Variants in STX17 observed in about 807,000 individuals in gnomAD.
The protein encoded by STX17 is syntaxin-17.
In STX17, 29 loss-of-function variants were observed where a neutral mutation model predicts 35.9. That is an observed-to-expected ratio of 0.81 (90% CI 0.60 to 1.10). The LOEUF (loss-of-function observed/expected upper bound fraction) is 1.10, where lower values mean the gene tolerates loss of function less well. Ranked by LOEUF, STX17 falls within the 50% of genes least tolerant of loss-of-function variation. The probability of loss-of-function intolerance (pLI) is 0.00; values close to 1 mark genes in which losing one functional copy is unlikely to be tolerated. For missense variants in STX17, 312 were observed against 352.3 expected, an observed-to-expected ratio of 0.89 and a Z score of 0.92; for synonymous variants, 92 against 118.3, an observed-to-expected ratio of 0.78 and a Z score of 1.44.
chr9:99,924,227 C>T (rs1326219925), intron 2 of STX17, among the ~76,000 whole-genome samples: 3 of 152,132 alleles, frequency 2.0e-5, no homozygotes, highest in Non-Finnish European at 2.9e-5. Flanking sequence ...AGAGTCCCGC[C>T]ATTGGCAGGT....
chr9:99,912,173 C>T (rs903191265), intron 1 of STX17, among the ~76,000 whole-genome samples: 1 of 151,750 alleles, frequency 6.6e-6, no homozygotes, highest in Non-Finnish European at 1.5e-5. Flanking sequence ...TTGCAGTAAG[C>T]TGAGCTCGTG....
chr9:99,964,597 A>T (rs1829881875), intron 6 of STX17, among the ~76,000 whole-genome samples: 2 of 152,184 alleles, frequency 1.3e-5, no homozygotes, highest in South Asian at 4.1e-4. Context: ...GCCTAAGCAG[A>T]TGAAAATAAA....
At chr9:99,952,399 T>C (rs1186198534) in intron 4 of STX17, among the ~76,000 whole-genome samples, 4 of 152,146 alleles carry the variant, frequency 2.6e-5, no homozygotes, top group African/African-American at 9.7e-5. Flanking sequence ...GGAGAGGATG[T>C]GGAGAAATAA....
At chr9:99,933,575 A>G (rs971619756) in intron 3 of STX17, among the ~76,000 whole-genome samples, 1 of 152,102 alleles carries the variant, frequency 6.6e-6, no homozygotes, top group African/African-American at 2.4e-5. Context: ...ATCTTCTTTA[A>G]TATTTGGGGA....
rs1320904731 is a variant in STX17 at position 99,971,092 on chromosome 9, A to C, written c.*2419A>C. ...GCTAGAAGAGTTTGATCAACTATAA[A>C]TGATAAAGTGTTTATAAGCATAGTC... On this transcript the variant is annotated 3_prime_UTR_variant, in exon 8 of 8. Transcript: ENST00000259400. Among the ~76,000 whole-genome samples, 1 of 152,196 alleles carries C rather than the reference A, an allele frequency of 6.6e-6. No individual in the cohort carries two copies. Among genetic ancestry groups the C allele is most frequent in the East Asian group, 1.9e-4 (1 of 5,198 alleles).
rs757628435 is a variant in STX17, at chr9:99,960,085, C to G, written c.532-20C>G. On this transcript the variant is annotated intron_variant, in intron 5 of 7. Coordinates refer to ENST00000259400, the MANE Select transcript of STX17 (RefSeq NM_017919.3). Reference sequence around the variant, plus strand: ...TAGTTGTGAGGCATAAAAGTAACTTCCTCTCCCTTTCTTTTAAAGGACTTA... The same window carrying G: ...TAGTTGTGAGGCATAAAAGTAACTTGCTCTCCCTTTCTTTTAAAGGACTTA... The G allele has an allele frequency of 4.3e-6, 7 of 1,613,880 alleles. No individual in the cohort carries two copies. In the South Asian group the frequency reaches 6.6e-5, roughly 15 times the overall value.
At chr9:99,908,019 AT>A (rs1828585077) in intron 1 of STX17, among the ~76,000 whole-genome samples, 1 of 152,154 alleles carries the variant, frequency 6.6e-6, no homozygotes, top group Non-Finnish European at 1.5e-5. Flanking sequence ...CTGGTCAGTT[AT>A]TTTGTAGAGT....
In STX17 at chr9:99,951,125, A is replaced by G; in HGVS notation, c.255A>G (p.Val85=). ...LCLKVRKDDL[V]LLKRMIDPVK... ...TGAAAGTCCGAAAGGATGACCTAGT[A>G]CTTCTGAAGAGAATGATAGATCCTG... Residue 85 remains valine (V), a synonymous_variant, in exon 4 of 8, where the codon GTA becomes GTG. Coordinates refer to ENST00000259400, the MANE Select transcript of STX17 (RefSeq NM_017919.3). 1.9e-6 allele frequency: 3 copies of G among 1,613,016 alleles called. No individual in the cohort carries two copies. The highest frequency in any genetic ancestry group is 2.5e-6 in the Non-Finnish European group (3 of 1,179,146).
chr9:99,938,827 T>TAA (rs1829292356), intron 3 of STX17, among the ~76,000 whole-genome samples: 1 of 147,678 alleles, frequency 6.8e-6, no homozygotes, highest in South Asian at 2.2e-4. Flanking sequence ...AAGGACCTGA[T>TAA]AAGAGGGAGG....
At chr9:99,957,316 A>G (rs1829727882) in intron 4 of STX17, among the ~76,000 whole-genome samples, 2 of 152,170 alleles carry the variant, frequency 1.3e-5, no homozygotes, top group African/African-American at 4.8e-5. Flanking sequence ...ATACTTATGT[A>G]TATATTTCTG....
At chr9:99,963,628 T>G (rs1208104786) in intron 6 of STX17, among the ~76,000 whole-genome samples, 1 of 152,154 alleles carries the variant, frequency 6.6e-6, no homozygotes, top group Non-Finnish European at 1.5e-5. Flanking sequence ...ACTTTTGTCC[T>G]TCCTTTATTT....
chr9:99,916,630 C>A (rs1454030462), intron 2 of STX17, among the ~76,000 whole-genome samples: 1 of 151,992 alleles, frequency 6.6e-6, no homozygotes, highest in African/African-American at 2.4e-5. Flanking sequence ...TGGAGAAAAT[C>A]AGTTCTGAGA....
intron 1 of STX17, among the ~76,000 whole-genome samples, chr9:99,908,269 A>C (rs1365696160): frequency 1.3e-5 from 2 of 152,088 alleles, no homozygotes; most frequent in Non-Finnish European, 2.9e-5. Flanking sequence ...GGGAGCTTTT[A>C]AACCGTACGC....
Position 99,951,283 on chromosome 9 carries a change from G to A in STX17, c.413G>A (p.Gly138Asp). Residue 138 changes from glycine (G) to aspartate (D), a missense_variant and splice_region_variant, in exon 4 of 8, where the codon GGT (glycine) becomes GAT (aspartate). Gly to Asp is a moderately conservative substitution (Grantham distance 94). Transcript: ENST00000259400. Reference sequence around the variant, plus strand: ...CCTTTGACCAGATCCATGACTGTTGGTGGTAATGTATTGTGCTAAGTCTTA... The same window carrying A: ...CCTTTGACCAGATCCATGACTGTTGATGGTAATGTATTGTGCTAAGTCTTA... ...QPPLTRSMTV[G>D]GAFHTTEAEA... The A allele has an allele frequency of 6.2e-7, 1 of 1,612,328 alleles. No homozygotes were observed. Among genetic ancestry groups the A allele is most frequent in the South Asian group, 1.1e-5 (1 of 91,022 alleles).
chr9:99,907,839 A>G (rs1264924498), intron 1 of STX17, among the ~76,000 whole-genome samples: 1 of 152,080 alleles, frequency 6.6e-6, no homozygotes, highest in Non-Finnish European at 1.5e-5. Context: ...TCCTGTATTA[A>G]TGTCCTTTTT....
chr9:99,936,528 A>G (rs1259990878), intron 3 of STX17, among the ~76,000 whole-genome samples: 1 of 152,058 alleles, frequency 6.6e-6, no homozygotes, highest in Non-Finnish European at 1.5e-5. Flanking sequence ...AAATGTTATA[A>G]CTGCTTATGG....
intron 2 of STX17, among the ~76,000 whole-genome samples, chr9:99,917,409 A>G (rs2118318702): frequency 6.6e-6 from 1 of 152,326 alleles, no homozygotes; most frequent in South Asian, 2.1e-4. Context: ...ACAGTGCCTC[A>G]CTTTCAAAAA....
At position 99,973,783 on chromosome 9, in the gene STX17, G is replaced by T. The variant is rs1477371277; in HGVS notation, c.*5110G>T. ...TCATTTTTCTGCTGAAAGATTTTCAGTGGTTCCCACTGAATACCAAATAAA... is the reference window on the plus strand; with the variant it reads ...TCATTTTTCTGCTGAAAGATTTTCATTGGTTCCCACTGAATACCAAATAAA... On this transcript the variant is annotated 3_prime_UTR_variant, in exon 8 of 8. Coordinates refer to ENST00000259400, the MANE Select transcript of STX17 (RefSeq NM_017919.3). 6.6e-6 allele frequency among the ~76,000 whole-genome samples: 1 copy of T among 152,096 alleles called. No homozygotes were observed. The highest frequency in any genetic ancestry group is 1.5e-5 in the Non-Finnish European group (1 of 68,008).
At chr9:99,956,106 G>T (rs1285702065) in intron 4 of STX17, among the ~76,000 whole-genome samples, 2 of 152,110 alleles carry the variant, frequency 1.3e-5, no homozygotes, top group Non-Finnish European at 2.9e-5. Flanking sequence ...TTACATCAGG[G>T]TTTTTTATGG....
Sources: allele counts gnomAD v4.1 joint callset (sites outside exome capture counted in the v4.1 genomes callset), GRCh38; gene constraint gnomAD v4.1.1; transcripts MANE v1.5; gene names NCBI Gene and HGNC (gene_info 2026-07-23, HGNC 2026-07-21).